Variants in ADAMTSL1 observed in about 807,000 individuals in gnomAD.
The protein encoded by ADAMTSL1 is ADAMTS-like protein 1.
A neutral mutation model predicts 201.8 loss-of-function variants in ADAMTSL1; 126 were observed. That is an observed-to-expected ratio of 0.62 (90% CI 0.54 to 0.72). ADAMTSL1 has a LOEUF of 0.72. Ranked by LOEUF, ADAMTSL1 falls within the 30% of genes least tolerant of loss-of-function variation. The probability of loss-of-function intolerance (pLI) is 0.00; values close to 1 mark genes in which losing one functional copy is unlikely to be tolerated. For missense variants in ADAMTSL1, 2,679 were observed against 2,277.8 expected, an observed-to-expected ratio of 1.18 and a Z score of -3.59; for synonymous variants, 1,121 against 903.4, an observed-to-expected ratio of 1.24 and a Z score of -4.32.
At chr9:18,213,324 T>C (rs1829947750) in intron 2 of ADAMTSL1, among the ~76,000 whole-genome samples, 1 of 152,210 alleles carries the variant, frequency 6.6e-6, no homozygotes, top group Non-Finnish European at 1.5e-5. Flanking sequence ...GGAACTGTGA[T>C]GATAACGGAC....
chr9:18,151,909 A>G (rs1197751958), intron 1 of ADAMTSL1, among the ~76,000 whole-genome samples: 1 of 152,006 alleles, frequency 6.6e-6, no homozygotes, highest in Non-Finnish European at 1.5e-5. Flanking sequence ...GAATGTCCAC[A>G]CACTTTGTCA....
At chr9:17,962,239 C>A (rs1817785069) in intron 1 of ADAMTSL1, among the ~76,000 whole-genome samples, 1 of 152,126 alleles carries the variant, frequency 6.6e-6, no homozygotes, top group Admixed American at 6.6e-5. Flanking sequence ...TATAATGAGA[C>A]CACACTCTAA....
chr9:18,394,772 T>C (rs1248050328), intron 2 of ADAMTSL1, among the ~76,000 whole-genome samples: 2 of 152,262 alleles, frequency 1.3e-5, no homozygotes, highest in Admixed American at 6.5e-5. Flanking sequence ...CATGAGACAG[T>C]ATGAGAACAG....
chr9:18,453,590 A>G (rs2131680314), intron 2 of ADAMTSL1, among the ~76,000 whole-genome samples: 1 of 152,092 alleles, frequency 6.6e-6, no homozygotes, highest in African/African-American at 2.4e-5. Flanking sequence ...TTTCTCTTGC[A>G]GCTTACTTTA....
intron 2 of ADAMTSL1, among the ~76,000 whole-genome samples, chr9:18,193,068 T>C (rs1012686531): frequency 9.9e-5 from 15 of 152,122 alleles, no homozygotes; most frequent in Admixed American, 2.6e-4. Flanking sequence ...ATGTATTAGA[T>C]CTAGATTTCC....
At chr9:17,954,948 G>T (rs1438509444) in intron 1 of ADAMTSL1, among the ~76,000 whole-genome samples, 1 of 152,144 alleles carries the variant, frequency 6.6e-6, no homozygotes, top group Non-Finnish European at 1.5e-5. Context: ...TTGAACTCCA[G>T]AGGCCCCTTA....
At chr9:18,860,069 G>C (rs1276432807) in intron 23 of ADAMTSL1, among the ~76,000 whole-genome samples, 1 of 152,240 alleles carries the variant, frequency 6.6e-6, no homozygotes, top group African/African-American at 2.4e-5. Context: ...CGTCTGAGAA[G>C]TGGGACTTGA....
chr9:18,093,745 G>C (rs1028799374), intron 1 of ADAMTSL1, among the ~76,000 whole-genome samples: 1 of 152,162 alleles, frequency 6.6e-6, no homozygotes, highest in Non-Finnish European at 1.5e-5. Flanking sequence ...CATGGTATTT[G>C]AGCTTTGGTC....
intron 14 of ADAMTSL1, among the ~76,000 whole-genome samples, chr9:18,708,403 G>A (rs1587946501): frequency 6.6e-6 from 1 of 152,210 alleles, no homozygotes; most frequent in African/African-American, 2.4e-5. Flanking sequence ...GCCCTGGTAT[G>A]TTAAAACCTA....
intron 7 of ADAMTSL1, among the ~76,000 whole-genome samples, chr9:18,645,916 T>C (rs1278572160): frequency 6.7e-6 from 1 of 148,326 alleles, no homozygotes; most frequent in Non-Finnish European, 1.5e-5. Context: ...TTTTTTCCAA[T>C]TCTGTGAAGA....
chr9:18,488,141 C>T (rs1206052553), intron 1 of ADAMTSL1, among the ~76,000 whole-genome samples: 1 of 152,176 alleles, frequency 6.6e-6, no homozygotes, highest in African/African-American at 2.4e-5. Context: ...CCCTCTCATT[C>T]CCTATCATCT....
intron 1 of ADAMTSL1, among the ~76,000 whole-genome samples, chr9:18,129,164 G>A (rs1166043062): frequency 4.6e-5 from 7 of 152,122 alleles, no homozygotes; most frequent in Non-Finnish European, 8.8e-5. Flanking sequence ...GGAGACAAAA[G>A]GCCTACCTGC....
At chr9:18,123,320 A>G (rs1309050745) in intron 1 of ADAMTSL1, among the ~76,000 whole-genome samples, 2 of 152,162 alleles carry the variant, frequency 1.3e-5, no homozygotes, top group East Asian at 1.9e-4. Context: ...ATTCAATACA[A>G]TTTATTGTTT....
chr9:18,174,863 G>A (rs73424935), intron 2 of ADAMTSL1, among the ~76,000 whole-genome samples: 3,941 of 152,122 alleles, frequency 0.026, 185 homozygotes, highest in African/African-American at 0.09. Context: ...AAATGGTAGC[G>A]TTATTACCCA....
At chr9:18,368,123 G>A (rs917961249) in intron 2 of ADAMTSL1, among the ~76,000 whole-genome samples, 18 of 150,836 alleles carry the variant, frequency 1.2e-4, no homozygotes, top group Non-Finnish European at 1.8e-4. Flanking sequence ...CGCCGTTTTC[G>A]CCAGGATGGT....
intron 26 of ADAMTSL1, among the ~76,000 whole-genome samples, chr9:18,899,524 A>C (rs1829872858): frequency 6.6e-6 from 1 of 152,248 alleles, no homozygotes; most frequent in Non-Finnish European, 1.5e-5. Flanking sequence ...AGCTGGAGGC[A>C]TCACACTACC....
chr9:18,792,428 A>G (rs760007918), intron 19 of ADAMTSL1, among the ~76,000 whole-genome samples: 9 of 152,226 alleles, frequency 5.9e-5, no homozygotes, highest in Non-Finnish European at 1.2e-4. Context: ...CAGAAGAACT[A>G]TCTTCTAGCC....
chr9:18,453,279 G>A (rs1181361837), intron 2 of ADAMTSL1, among the ~76,000 whole-genome samples: 1 of 152,152 alleles, frequency 6.6e-6, no homozygotes, highest in Non-Finnish European at 1.5e-5. Flanking sequence ...TGACAAGCCT[G>A]TGGAGGGTGC....
chr9:18,622,254 C>T lies in ADAMTSL1; in HGVS notation c.486C>T (p.Cys162=), dbSNP rs374475613. 20 of 1,613,450 alleles carry T rather than the reference C, an allele frequency of 1.2e-5. No homozygotes were observed. In the East Asian group the frequency reaches 1.6e-4, roughly 13 times the overall value. ...CISGLCQIVG[C]DHQLGSTVKE... The stretch of plus-strand genomic sequence containing the variant: ...CTCTTTCTTGTTAGATTGTTGGCTG[C>T]GATCACCAGCTGGGAAGCACCGTCA... The change falls in exon 5 of 29, where the codon TGC becomes TGT. Residue 162 remains cysteine, a synonymous_variant. Coordinates refer to ENST00000380548, the MANE Select transcript of ADAMTSL1 (RefSeq NM_001040272.6).
Sources: gnomAD v4.1 joint callset for allele counts (sites outside exome capture counted in the v4.1 genomes callset) on GRCh38, gnomAD v4.1.1 for gene constraint, MANE v1.5 for transcripts, NCBI Gene and HGNC (gene_info 2026-07-23, HGNC 2026-07-21) for gene names.